The following IHO1 variants were observed in gnomAD, a reference collection of about 807,000 sequenced individuals.
IHO1 encodes interactor of HORMAD1 1.
IHO1 carries 13 observed loss-of-function variants against 31.0 expected under a neutral mutation model. The observed-to-expected ratio is 0.42, with a 90% CI of 0.27 to 0.67. The LOEUF (loss-of-function observed/expected upper bound fraction) is 0.67. Among genes scored for constraint, IHO1 ranks in the 30% least tolerant of loss-of-function variants. IHO1 has a pLI of 0.24. For synonymous variants in IHO1, 221 were observed against 248.4 expected, an observed-to-expected ratio of 0.89 and a Z score of 1.04; for missense variants, 599 against 687.5, an observed-to-expected ratio of 0.87 and a Z score of 1.44.
At chr3:49,241,431 T>G in intron 4 of IHO1, 42 bp downstream of exon 4, 1 of 1,539,290 alleles carries the variant, frequency 6.5e-7, no homozygotes, top group Non-Finnish European at 8.8e-7. Flanking sequence ...TCACCTTTTC[T>G]GAGTAAAACA....
intron 1 of IHO1, among the ~76,000 whole-genome samples, chr3:49,202,680 A>G (rs2046084599): frequency 6.7e-6 from 1 of 148,568 alleles, no homozygotes; most frequent in Admixed American, 6.8e-5. Flanking sequence ...CCAGCCAATT[A>G]TTTTTATTTT....
At chr3:49,200,233 G>A (rs1430283756) in intron 1 of IHO1, among the ~76,000 whole-genome samples, 1 of 152,110 alleles carries the variant, frequency 6.6e-6, no homozygotes, top group Non-Finnish European at 1.5e-5. Context: ...GGGAGGCTGA[G>A]GCAGGCGGAT....
At chr3:49,223,358 C>G (rs2046377734) in intron 2 of IHO1, among the ~76,000 whole-genome samples, 1 of 152,096 alleles carries the variant, frequency 6.6e-6, no homozygotes, top group Non-Finnish European at 1.5e-5. Flanking sequence ...ATATTGTATC[C>G]CTAGTGCCCT....
chr3:49,233,512 C>T (rs964674892), intron 2 of IHO1, among the ~76,000 whole-genome samples: 1 of 152,268 alleles, frequency 6.6e-6, no homozygotes, highest in Admixed American at 6.5e-5. Context: ...AGCTATTAAC[C>T]CATTGAAATA....
intron 3 of IHO1, among the ~76,000 whole-genome samples, chr3:49,237,117 A>T (rs1170063546): frequency 6.6e-6 from 1 of 151,986 alleles, no homozygotes; most frequent in Non-Finnish European, 1.5e-5. Context: ...TGGGAGGCCG[A>T]GGCAGGTGGA....
chr3:49,210,756 C>A (rs549677403), intron 1 of IHO1, among the ~76,000 whole-genome samples: 1 of 128,178 alleles, frequency 7.8e-6, no homozygotes, highest in South Asian at 2.6e-4. Flanking sequence ...GGAGTGCAGT[C>A]GTGTGACCTT....
chr3:49,247,524 G>A (rs1420260131), intron 6 of IHO1, among the ~76,000 whole-genome samples: 3 of 148,862 alleles, frequency 2.0e-5, no homozygotes, highest in Non-Finnish European at 4.5e-5. Context: ...GAGACACCAC[G>A]CCCAGCCTAA....
intron 6 of IHO1, among the ~76,000 whole-genome samples, chr3:49,246,186 A>G (rs527279565): frequency 2.6e-5 from 4 of 151,646 alleles, no homozygotes; most frequent in Admixed American, 2.6e-4. Context: ...CGTCAAAAAA[A>G]AAAAAAAAAA....
At chr3:49,226,285 C>T (rs1311586287) in intron 2 of IHO1, among the ~76,000 whole-genome samples, 1 of 152,052 alleles carries the variant, frequency 6.6e-6, no homozygotes, top group African/African-American at 2.4e-5. Context: ...TGTTCAGGGC[C>T]CAGGGCTCAC....
upstream of IHO1, among the ~76,000 whole-genome samples, chr3:49,193,437 G>A (rs1045886056): frequency 6.6e-6 from 1 of 151,946 alleles, no homozygotes; most frequent in African/African-American, 2.4e-5. Flanking sequence ...GGTAGCTCAC[G>A]CCTGTAATCC....
upstream of IHO1, among the ~76,000 whole-genome samples, chr3:49,194,445 A>C (rs1392849909): frequency 6.9e-6 from 1 of 145,780 alleles, no homozygotes; most frequent in East Asian, 2.2e-4. Flanking sequence ...CTGGGACTAC[A>C]GGTGCCCACC....
In IHO1 at chr3:49,256,566, T is replaced by C. The variant is rs377113897; in HGVS notation, c.1069T>C (p.Cys357Arg). 6.2e-7 allele frequency: 1 copy of C among 1,614,156 alleles called. No homozygotes were observed. The highest frequency in any genetic ancestry group is 8.5e-7 in the Non-Finnish European group (1 of 1,180,038). The stretch of plus-strand genomic sequence containing the variant: ...AAAGGACAAGGTGGTGCAGACTAAC[T>C]GCAAGAACTGGGCTGTTACTAAAAC... ...HVKDKVVQTN[C>R]KNWAVTKTGA... Residue 357 changes from cysteine (C) to arginine (R), a missense_variant, in exon 8 of 8, where the codon TGC becomes CGC. Coordinates refer to ENST00000452691, the MANE Select transcript of IHO1 (RefSeq NM_001135197.2). The surrounding 1 kb of genome is among the most constrained non-coding windows in gnomAD (Gnocchi z 4.6).
At chr3:49,211,728 TG>T in intron 1 of IHO1, 37 bp from the exon 2 acceptor site, 1 of 1,002,804 alleles carries the variant, frequency 1.0e-6, no homozygotes, top group South Asian at 1.4e-5. Context: ...AAAATTATAC[TG>T]TTAACTTTCT....
rs2107747293 is a variant in IHO1 at position 49,256,633 on chromosome 3, T to C, written c.1136T>C (p.Ile379Thr). Residue 379 changes from isoleucine (I) to threonine (T), a missense_variant, in exon 8 of 8, where the codon ATT (isoleucine) becomes ACT (threonine). Physicochemically the swap from Ile to Thr is moderately conservative, Grantham distance 89. Transcript: ENST00000452691. This position sits in a 1 kb window ranked among gnomAD's most constrained non-coding sequence, Gnocchi z 4.6. ...GGTTCCAGCGTCCCAGGCCATAAGATTCCCAGTGACAGGGACCTGGTTTCC... is the reference window on the plus strand; with the variant it reads ...GGTTCCAGCGTCCCAGGCCATAAGACTCCCAGTGACAGGGACCTGGTTTCC... Reference protein sequence around the residue: ...NHGSSVPGHKIPSDRDLVSQG... With the variant: ...NHGSSVPGHKTPSDRDLVSQG... The C allele has an allele frequency of 6.2e-7, 1 of 1,614,214 alleles. No homozygotes were observed. Among genetic ancestry groups the C allele is most frequent in the South Asian group, 1.1e-5 (1 of 91,088 alleles).
rs1221890460 is a variant in IHO1 at position 49,257,275 on chromosome 3, G to A, written c.1778G>A (p.Gly593Asp). The change falls in exon 8 of 8, where the codon GGC becomes GAC. Residue 593 changes from glycine to aspartate, a missense_variant. Transcript: ENST00000452691. ...GGTTTTGATAGCAGTGATGATGATGGCTTCTGACCAGTCCACAGTTGATTT... is the reference window on the plus strand; with the variant it reads ...GGTTTTGATAGCAGTGATGATGATGACTTCTGACCAGTCCACAGTTGATTT... Reference protein sequence around the residue: ...DLGFDSSDDDGF With the variant: ...DLGFDSSDDDDF The A allele has an allele frequency of 5.6e-6, 9 of 1,613,252 alleles. 1 individual carries two copies. Among genetic ancestry groups the A allele is most frequent in the Middle Eastern group, 3.3e-4 (2 of 6,080 alleles).
intron 1 of IHO1, chr3:49,200,593 T>TC (rs1257386691): frequency 3.0e-6 from 3 of 984,050 alleles, no homozygotes; most frequent in South Asian, 9.4e-5. Context: ...GGCGGTCCTC[T>TC]CCCCCTCACG....
At chr3:49,227,471 A>C (rs1308572606) in intron 2 of IHO1, among the ~76,000 whole-genome samples, 3 of 152,064 alleles carry the variant, frequency 2.0e-5, no homozygotes, top group East Asian at 3.9e-4. Flanking sequence ...GGAATATTGC[A>C]CTCACCGACG....
chr3:49,213,060 A>G (rs959163146), intron 2 of IHO1, among the ~76,000 whole-genome samples: 21 of 152,212 alleles, frequency 1.4e-4, no homozygotes, highest in Non-Finnish European at 2.8e-4. Context: ...AAAGTTCTCC[A>G]AGTCCCCACA....
intron 2 of IHO1, among the ~76,000 whole-genome samples, chr3:49,212,968 A>C (rs1369140383): frequency 3.3e-5 from 5 of 152,118 alleles, no homozygotes; most frequent in Non-Finnish European, 7.4e-5. Context: ...CAGAGAGCTG[A>C]TCGGTCTGTT....
Sources: gnomAD v4.1 joint callset for allele counts (sites outside exome capture counted in the v4.1 genomes callset) on GRCh38, gnomAD v4.1.1 for gene constraint, Gnocchi (gnomAD v3.1) non-coding constraint, MANE v1.5 for transcripts, NCBI Gene and HGNC (gene_info 2026-07-23, HGNC 2026-07-21) for gene names.